FAM135A: variants seen among roughly 807,000 people sequenced by gnomAD.
FAM135A encodes the protein family with sequence similarity 135 member A.
In FAM135A, 79 loss-of-function variants were observed where a neutral mutation model predicts 146.8. The ratio of observed to expected loss-of-function variants is 0.54; its 90% CI spans 0.45 to 0.65. The LOEUF is 0.65. Ranked by LOEUF, FAM135A falls within the 30% of genes least tolerant of loss-of-function variation. The probability of loss-of-function intolerance (pLI) is 0.00; values close to 1 mark genes in which losing one functional copy is unlikely to be tolerated. For synonymous variants in FAM135A, 562 were observed against 603.6 expected (o/e 0.93, Z 1.01); for missense variants, 1,623 against 1,758.2 (o/e 0.92, Z 1.38).
At chr6:70,538,248 A>G in intron 19 of FAM135A, 43 bp from the exon 20 acceptor site, 6 of 1,130,470 alleles carry the variant, frequency 5.3e-6, no homozygotes, top group Non-Finnish European at 5.9e-6. Context: ...ATATGTTTTT[A>G]TATATTTCAT....
chr6:70,436,968 A>G (rs924399269), intron 4 of FAM135A, among the ~76,000 whole-genome samples: 6 of 152,224 alleles, frequency 3.9e-5, no homozygotes, highest in Non-Finnish European at 8.8e-5. Context: ...AAGTGTTATT[A>G]TGAGAAATGT....
chr6:70,491,098 T>A lies in FAM135A; in HGVS notation c.873+15T>A. On this transcript the variant is annotated intron_variant, in intron 11 of 21. Transcript: ENST00000418814. ...AAGAAGTTAAGGTACTTGGATTTTT[T>A]AAATTCACATCATCAAGTTATTTGA... The A allele has an allele frequency of 1.3e-6, 2 of 1,584,596 alleles. No individual in the cohort carries two copies. The highest frequency in any genetic ancestry group is 8.6e-7 in the Non-Finnish European group (1 of 1,163,220).
At chr6:70,445,339 A>G (rs539945359) in intron 4 of FAM135A, among the ~76,000 whole-genome samples, 3 of 147,220 alleles carry the variant, frequency 2.0e-5, no homozygotes, top group African/African-American at 5.3e-5. Context: ...TTGGTATGGA[A>G]TATTTAGATA....
At chr6:70,465,606 C>G (rs546503022) in intron 5 of FAM135A, among the ~76,000 whole-genome samples, 16 of 152,190 alleles carry the variant, frequency 1.1e-4, no homozygotes, top group African/African-American at 3.4e-4. Flanking sequence ...TCTTGAACTC[C>G]TGGACTCAAC....
chr6:70,524,536 T>C lies in FAM135A; in HGVS notation c.1452T>C (p.Asn484=), dbSNP rs1794286558. ...TAACAAAATCTCTAAAAGGAAAGAA[T>C]GAAGAATCAAATAAATCCAAAGTTA... ...KQLTKSLKGK[N]EESNKSKVKV... is the part of the protein sequence containing the mutation. Residue 484 remains asparagine, a synonymous_variant, in exon 15 of 22, where the codon AAT becomes AAC. Coordinates refer to ENST00000418814, the MANE Select transcript of FAM135A (RefSeq NM_001162529.3). 3 of 1,550,618 alleles carry C rather than the reference T, an allele frequency of 1.9e-6. No homozygotes were observed. The Admixed American group carries it at 5.9e-5, about 31-fold the overall frequency.
At chr6:70,542,276 A>ACACC (rs1242891663) in intron 20 of FAM135A, among the ~76,000 whole-genome samples, 2 of 149,014 alleles carry the variant, frequency 1.3e-5, no homozygotes, top group African/African-American at 4.9e-5. Flanking sequence ...ACACACACAC[A>ACACC]CCCTTTGCTG....
chr6:70,447,504 A>G (rs535491428), intron 4 of FAM135A, among the ~76,000 whole-genome samples: 16 of 152,238 alleles, frequency 1.1e-4, no homozygotes, highest in African/African-American at 3.4e-4. Context: ...TCCTGTTGGG[A>G]CCTTTTGCAG....
At chr6:70,489,556 CA>C (rs1203537243) in intron 10 of FAM135A, among the ~76,000 whole-genome samples, 1 of 152,040 alleles carries the variant, frequency 6.6e-6, no homozygotes, top group Non-Finnish European at 1.5e-5. Context: ...GGTTAAGCAG[CA>C]GAATTTATTT....
intron 4 of FAM135A, among the ~76,000 whole-genome samples, chr6:70,440,996 T>C (rs1774331945): frequency 1.3e-5 from 2 of 152,356 alleles, no homozygotes; most frequent in Middle Eastern, 6.8e-3. Context: ...TAGTTACTTG[T>C]ATTCAGAATA....
chr6:70,428,270 G>A (rs979280068), intron 3 of FAM135A, 34 bp from the exon 4 acceptor site: 7 of 1,025,566 alleles, frequency 6.8e-6, no homozygotes, highest in African/African-American at 3.3e-5. Flanking sequence ...TTTTTGTTAC[G>A]CTTCTCATGA....
At chr6:70,526,807 A>G in intron 15 of FAM135A, 109 bp downstream of exon 15, 2 of 849,424 alleles carry the variant, frequency 2.4e-6, no homozygotes, top group South Asian at 2.2e-5. Flanking sequence ...ACACACATAT[A>G]TATATAAAAT....
At chr6:70,553,582 A>G (rs1308234220) in intron 20 of FAM135A, among the ~76,000 whole-genome samples, 1 of 152,180 alleles carries the variant, frequency 6.6e-6, no homozygotes, top group Admixed American at 6.5e-5. Flanking sequence ...GATACTTTAA[A>G]CAGGGACAGA....
chr6:70,477,044 T>C (rs938987422), intron 7 of FAM135A, 115 bp from the exon 8 acceptor site: 6 of 1,101,298 alleles, frequency 5.4e-6, no homozygotes, highest in Non-Finnish European at 7.5e-6. Flanking sequence ...ATTACTCTTA[T>C]TCGAAATTTT....
At chr6:70,415,724 G>A (rs1004190491) in intron 2 of FAM135A, among the ~76,000 whole-genome samples, 6 of 152,054 alleles carry the variant, frequency 3.9e-5, no homozygotes, top group African/African-American at 9.7e-5. Context: ...TTAGTGAGTT[G>A]GTTCCTGTGC....
At chr6:70,465,567 A>T (rs2128117785) in intron 5 of FAM135A, among the ~76,000 whole-genome samples, 1 of 152,190 alleles carries the variant, frequency 6.6e-6, no homozygotes, top group African/African-American at 2.4e-5. Context: ...TTTTGTACAT[A>T]TGGAGCCTAA....
intron 20 of FAM135A, among the ~76,000 whole-genome samples, chr6:70,546,752 C>T (rs904718663): frequency 6.6e-6 from 1 of 152,086 alleles, no homozygotes; most frequent in Non-Finnish European, 1.5e-5. Context: ...CAATTATAAA[C>T]ATTCATTAAA....
intron 10 of FAM135A, among the ~76,000 whole-genome samples, chr6:70,490,099 G>A (rs1345499586): frequency 1.3e-5 from 2 of 152,060 alleles, no homozygotes; most frequent in Non-Finnish European, 2.9e-5. Flanking sequence ...TTTTTATCAT[G>A]TAGTAAACAT....
chr6:70,457,372 C>G (rs555063171), intron 5 of FAM135A, among the ~76,000 whole-genome samples: 1 of 152,308 alleles, frequency 6.6e-6, no homozygotes, highest in Admixed American at 6.5e-5. Flanking sequence ...TTTCAGGGCA[C>G]GAAATCATTC....
chr6:70,414,693 C>A (rs996817070), intron 1 of FAM135A, among the ~76,000 whole-genome samples: 1 of 152,172 alleles, frequency 6.6e-6, no homozygotes, highest in Non-Finnish European at 1.5e-5. Flanking sequence ...TTTCTTCTTT[C>A]TTTACCGGTT....
Sources: gnomAD v4.1 joint callset for allele counts (sites outside exome capture counted in the v4.1 genomes callset) on GRCh38, gnomAD v4.1.1 for gene constraint, MANE v1.5 for transcripts, NCBI Gene and HGNC (gene_info 2026-07-23, HGNC 2026-07-21) for gene names.